The following HDAC4 variants were observed in gnomAD, a reference collection of about 807,000 sequenced individuals.
HDAC4 encodes histone deacetylase A.
In HDAC4, 16 loss-of-function variants were observed where a neutral mutation model predicts 135.1. The ratio of observed to expected loss-of-function variants is 0.12; its 90% CI spans 0.08 to 0.18. The LOEUF (loss-of-function observed/expected upper bound fraction) is 0.18, where lower values mean the gene tolerates loss of function less well. HDAC4 is among the 10% of genes least tolerant of loss of function. The pLI is 1.00. For synonymous variants in HDAC4, 685 were observed against 653.4 expected, an observed-to-expected ratio of 1.05 and a Z score of -0.74; for missense variants, 1,143 against 1,511.8, an observed-to-expected ratio of 0.76 and a Z score of 4.05.
At chr2:239,343,593 C>T (rs1025657876) in intron 2 of HDAC4, among the ~76,000 whole-genome samples, 2 of 152,260 alleles carry the variant, frequency 1.3e-5, no homozygotes, top group African/African-American at 4.8e-5. Flanking sequence ...GGGACAGCCT[C>T]CCTTGGCCTC....
intron 5 of HDAC4, among the ~76,000 whole-genome samples, chr2:239,168,538 T>A (rs1240689139): frequency 2.0e-5 from 3 of 152,220 alleles, no homozygotes; most frequent in African/African-American, 7.2e-5. Context: ...ATGATATTTA[T>A]TAGATACTCA....
At chr2:239,205,314 C>T (rs1435915879) in intron 3 of HDAC4, among the ~76,000 whole-genome samples, 5 of 152,198 alleles carry the variant, frequency 3.3e-5, no homozygotes, top group Admixed American at 1.3e-4. Context: ...AACTTCAAAG[C>T]GAAACAGCAG....
rs777286862 is a variant in HDAC4, at chr2:239,052,622, C to CT, written c.*474dup. The CT allele has an allele frequency of 2.3e-4, 40 of 172,638 alleles. No homozygotes were observed. Among genetic ancestry groups the CT allele is most frequent in the Non-Finnish European group, 5.1e-5 (4 of 78,914 alleles). The allele number at this position is 172,638 out of a possible 1,614,324, so 10.7% of individuals were successfully genotyped here. ...AACGTCCTCTTTAAAAAAAAATAAG[C>CT]TACAAGATGAGTCGAGTGGTTTACA... On this transcript the variant is annotated 3_prime_UTR_variant, in exon 27 of 27. Transcript: ENST00000543185.
rs766941948 is a variant in HDAC4 at position 239,094,942 on chromosome 2, G to A, written c.2280+68C>T. The A allele has an allele frequency of 1.5e-5, 24 of 1,611,834 alleles. No homozygotes were observed. In the East Asian group the frequency reaches 5.1e-4, roughly 34 times the overall value. On this transcript the variant is annotated intron_variant, in intron 17 of 26. Transcript: ENST00000543185. ...TATTCACTTTGAGGGAAGCAAGGCT[G>A]CGATTTCTGTGACCACTGGGACTCG... is the stretch of plus-strand genomic sequence containing the variant.
chr2:239,078,067 G>A (rs542406937), intron 22 of HDAC4, among the ~76,000 whole-genome samples: 5 of 152,258 alleles, frequency 3.3e-5, no homozygotes, highest in Admixed American at 2.0e-4. Flanking sequence ...CATCCCTGAC[G>A]GAAGAGTCCC....
chr2:239,313,530 G>A lies in HDAC4; in HGVS notation c.22+39148C>T, dbSNP rs953147180. Among the ~76,000 whole-genome samples the A allele has an allele frequency of 2.6e-5, 4 of 151,996 alleles. No individual in the cohort carries two copies. The highest frequency in any genetic ancestry group is 1.9e-4 in the East Asian group (1 of 5,166). ...CCTAACCTCACGAGAGGTGATGACCGGAATCATCCCAGTTTTCCATGGCAC... is the reference window on the plus strand; with the variant it reads ...CCTAACCTCACGAGAGGTGATGACCAGAATCATCCCAGTTTTCCATGGCAC... On this transcript the variant is annotated intron_variant, in intron 2 of 26. Coordinates refer to ENST00000543185, the MANE Select transcript of HDAC4 (RefSeq NM_001378414.1). The surrounding 1 kb of genome is among the most constrained non-coding windows in gnomAD (Gnocchi z 5.1).
chr2:239,060,962 C>T (rs1261266110), intron 24 of HDAC4, among the ~76,000 whole-genome samples: 1 of 152,260 alleles, frequency 6.6e-6, no homozygotes, highest in Non-Finnish European at 1.5e-5. Context: ...ACAGCTCCTT[C>T]AACTCTGAAG....
intron 22 of HDAC4, among the ~76,000 whole-genome samples, chr2:239,078,375 G>T (rs1193610431): frequency 1.3e-5 from 2 of 151,608 alleles, no homozygotes; most frequent in Non-Finnish European, 2.9e-5. Flanking sequence ...GAATAACAAG[G>T]TGCTGCCTGG....
intron 1 of HDAC4, among the ~76,000 whole-genome samples, chr2:239,376,190 C>T (rs1220265849): frequency 6.8e-6 from 1 of 147,388 alleles, no homozygotes; most frequent in African/African-American, 2.5e-5. Flanking sequence ...GTGCTCACAA[C>T]CCTCCACCAT....
chr2:239,219,644 T>TA (rs1360974560), intron 3 of HDAC4, among the ~76,000 whole-genome samples: 2 of 151,424 alleles, frequency 1.3e-5, no homozygotes, highest in East Asian at 3.9e-4. Flanking sequence ...TAAAATAAAA[T>TA]AAATAAAATA....
intron 2 of HDAC4, chr2:239,298,493 G>A (rs1485804135): frequency 1.8e-6 from 2 of 1,119,652 alleles, no homozygotes; most frequent in African/African-American, 1.6e-5. Flanking sequence ...CACTGTCACT[G>A]GGTGAACGCT....
rs145937482 is a variant in HDAC4 at position 239,123,094 on chromosome 2, A to C, written c.1533+3362T>G. 2.0e-5 allele frequency among the ~76,000 whole-genome samples: 3 copies of C among 152,360 alleles called. No homozygotes were observed. The East Asian group carries it at 5.8e-4, about 29-fold the overall frequency. On this transcript the variant is annotated intron_variant, in intron 12 of 26. Transcript: ENST00000543185. ...CAATCAGAGAACAAACTCCAGTGAGAGTACCCGGTTTCTAAATCCTTCAAG... is the reference window on the plus strand; with the variant it reads ...CAATCAGAGAACAAACTCCAGTGAGCGTACCCGGTTTCTAAATCCTTCAAG...
At chr2:239,387,453 G>A (rs879268821) in intron 1 of HDAC4, among the ~76,000 whole-genome samples, 3 of 152,066 alleles carry the variant, frequency 2.0e-5, no homozygotes, top group Admixed American at 1.3e-4. Context: ...CCCCACCTTC[G>A]CCTGGAAGAA....
chr2:239,108,267 C>T (rs1012039181), intron 14 of HDAC4, 84 bp from the exon 15 acceptor site: 235 of 1,483,178 alleles, frequency 1.6e-4, no homozygotes, highest in East Asian at 7.4e-5. Context: ...CGGGTGGTGG[C>T]GGAACCACCA....
chr2:239,306,289 A>G lies in HDAC4; in HGVS notation c.22+46389T>C, dbSNP rs1331967799. The stretch of plus-strand genomic sequence containing the variant: ...AGTTCATCTTTCTAGTGATTCCAGG[A>G]GCTCCCTGGCCCATCCACAGGTGGG... On this transcript the variant is annotated intron_variant, in intron 2 of 26. Coordinates refer to ENST00000543185, the MANE Select transcript of HDAC4 (RefSeq NM_001378414.1). This position sits in a 1 kb window ranked among gnomAD's most constrained non-coding sequence, Gnocchi z 4.5. Among the ~76,000 whole-genome samples the G allele has an allele frequency of 1.3e-5, 2 of 152,120 alleles. No homozygotes were observed. Among genetic ancestry groups the G allele is most frequent in the African/African-American group, 4.8e-5 (2 of 41,408 alleles).
At chr2:239,324,177 CAT>C (rs2053401126) in intron 2 of HDAC4, among the ~76,000 whole-genome samples, 1 of 152,192 alleles carries the variant, frequency 6.6e-6, no homozygotes, top group Non-Finnish European at 1.5e-5. Flanking sequence ...TATTTTCAAA[CAT>C]AGAGTACTTG....
intron 2 of HDAC4, among the ~76,000 whole-genome samples, chr2:239,251,741 T>G (rs1231942596): frequency 2.0e-5 from 3 of 152,020 alleles, no homozygotes; most frequent in African/African-American, 4.8e-5. Flanking sequence ...ATGGTACAAA[T>G]GTACATTCAA....
intron 1 of HDAC4, among the ~76,000 whole-genome samples, chr2:239,358,904 T>A (rs1346205550): frequency 1.3e-5 from 2 of 152,180 alleles, no homozygotes; most frequent in Non-Finnish European, 2.9e-5. Flanking sequence ...CCTTACCGTA[T>A]CCAGGTAAGA....
At chr2:239,110,695 T>C (rs2152796017) in intron 14 of HDAC4, among the ~76,000 whole-genome samples, 1 of 152,358 alleles carries the variant, frequency 6.6e-6, no homozygotes, top group Admixed American at 6.5e-5. Flanking sequence ...TTACAGAACA[T>C]TTTTCTTAGT....
Sources: gnomAD v4.1 joint callset for allele counts (sites outside exome capture counted in the v4.1 genomes callset) on GRCh38, gnomAD v4.1.1 for gene constraint, Gnocchi (gnomAD v3.1) non-coding constraint, MANE v1.5 for transcripts, NCBI Gene and HGNC (gene_info 2026-07-23, HGNC 2026-07-21) for gene names.